The following DDAH1 variants were observed in gnomAD, a reference collection of about 807,000 sequenced individuals.
DDAH1 encodes the protein N(G),N(G)-dimethylarginine dimethylaminohydrolase 1.
Under a neutral mutation model 28.8 loss-of-function variants are expected in DDAH1, and 19 were observed. That is an observed-to-expected ratio of 0.66 (90% CI 0.46 to 0.97). DDAH1 has a LOEUF of 0.97. Ranked by LOEUF, DDAH1 falls within the 50% of genes least tolerant of loss-of-function variation. The pLI is 0.00. For missense variants in DDAH1, 326 were observed against 375.9 expected (o/e 0.87, Z 1.10); for synonymous variants, 153 against 154.4 (o/e 0.99, Z 0.07).
At chr1:85,376,651 T>C (rs778350479) in intron 1 of DDAH1, 40 of 151,746 alleles carry the variant, frequency 2.6e-4, no homozygotes, top group Middle Eastern at 3.4e-3. Flanking sequence ...AAAATCAAGC[T>C]GGAGAAAAGT....
chr1:85,411,889 C>CA (rs1261927993), intron 1 of DDAH1, among the ~76,000 whole-genome samples: 1 of 152,120 alleles, frequency 6.6e-6, no homozygotes, highest in East Asian at 1.9e-4. Flanking sequence ...CTGTGGAGGT[C>CA]AATCAATAGC....
At chr1:85,479,237 G>A (rs1402596369) in intron 2 of DDAH1, among the ~76,000 whole-genome samples, 1 of 139,442 alleles carries the variant, frequency 7.2e-6, no homozygotes. Context: ...GCAGTGGCGC[G>A]ATCTCGGCTC....
At chr1:85,333,377 C>A (rs1647900217) in intron 4 of DDAH1, among the ~76,000 whole-genome samples, 1 of 152,158 alleles carries the variant, frequency 6.6e-6, no homozygotes, top group Non-Finnish European at 1.5e-5. Flanking sequence ...GTGACTGTTA[C>A]ACCAGATGCA....
At chr1:85,501,258 T>C (rs771258484) in intron 1 of DDAH1, among the ~76,000 whole-genome samples, 10 of 152,204 alleles carry the variant, frequency 6.6e-5, no homozygotes, top group Non-Finnish European at 1.0e-4. Flanking sequence ...TGGATGAACT[T>C]AGTATAGCCT....
intron 5 of DDAH1, among the ~76,000 whole-genome samples, chr1:85,321,954 T>C (rs1309578723): frequency 2.6e-5 from 4 of 152,176 alleles, no homozygotes; most frequent in Admixed American, 6.5e-5. Flanking sequence ...TGCTCTGTCG[T>C]CCAGGTTGGT....
intron 1 of DDAH1, among the ~76,000 whole-genome samples, chr1:85,544,239 C>T (rs1232074042): frequency 6.6e-6 from 1 of 152,134 alleles, no homozygotes; most frequent in Non-Finnish European, 1.5e-5. Context: ...CTGGGGCAAG[C>T]ATCCAGATCT....
chr1:85,389,234 AAAAC>A (rs148493870), intron 1 of DDAH1, among the ~76,000 whole-genome samples: 5,852 of 152,218 alleles, frequency 0.038, 384 homozygotes, highest in African/African-American at 0.13. Context: ...ATCCTGTCTC[AAAAC>A]AAACAAACAA....
chr1:85,416,950 G>A (rs1355683742), intron 1 of DDAH1, among the ~76,000 whole-genome samples: 2 of 152,148 alleles, frequency 1.3e-5, no homozygotes, highest in Admixed American at 6.5e-5. Flanking sequence ...TTACAAGCAT[G>A]AGCCACTACT....
At chr1:85,365,133 G>T (rs1472120566) in intron 1 of DDAH1, among the ~76,000 whole-genome samples, 1 of 152,162 alleles carries the variant, frequency 6.6e-6, no homozygotes, top group African/African-American at 2.4e-5. Flanking sequence ...TTGTTTTACA[G>T]ATGAGAAAAC....
intron 1 of DDAH1, among the ~76,000 whole-genome samples, chr1:85,386,681 T>A (rs1198999792): frequency 6.6e-6 from 1 of 152,150 alleles, no homozygotes; most frequent in East Asian, 1.9e-4. Flanking sequence ...ACAGCTTCAT[T>A]AAGCAATACC....
At chr1:85,450,363 A>ATAAGTGGTAGGTCTGGGTCTT (rs1252252606) in intron 1 of DDAH1, among the ~76,000 whole-genome samples, 49 of 152,306 alleles carry the variant, frequency 3.2e-4, no homozygotes, top group African/African-American at 1.1e-3. Context: ...CACCTTGCTA[A>ATAAGTGGTAGGTCTGGGTCTT]TAAGTGGTAG....
intron 1 of DDAH1, among the ~76,000 whole-genome samples, chr1:85,359,301 C>T (rs1649662248): frequency 6.6e-6 from 1 of 151,908 alleles, no homozygotes; most frequent in Non-Finnish European, 1.5e-5. Context: ...GGAGGCTAAC[C>T]AGTTAGGGCA....
rs917211277 is a variant in DDAH1, at chr1:85,438,697, C to T, written c.303+26046G>A. ...AATTAAATGCTGCCATTGCTTTAAC[C>T]CACTACGTTTTGGAATAATTTGTTG... On this transcript the variant is annotated intron_variant, in intron 1 of 5. Coordinates refer to ENST00000284031, the MANE Select transcript of DDAH1 (RefSeq NM_012137.4). Among the ~76,000 whole-genome samples the T allele has an allele frequency of 2.8e-4, 43 of 152,178 alleles. 1 individual carries two copies. The highest frequency in any genetic ancestry group is 1.0e-3 in the African/African-American group (43 of 41,430).
At chr1:85,402,622 A>G (rs1001472231) in intron 1 of DDAH1, among the ~76,000 whole-genome samples, 1 of 152,096 alleles carries the variant, frequency 6.6e-6, no homozygotes, top group Admixed American at 6.5e-5. Context: ...ATTAATAAAA[A>G]TCTTCTGGCC....
intron 1 of DDAH1, among the ~76,000 whole-genome samples, chr1:85,541,698 C>T (rs1658475338): frequency 6.6e-6 from 1 of 152,132 alleles, no homozygotes; most frequent in Non-Finnish European, 1.5e-5. Context: ...AAACCTAATT[C>T]CCAATGTGAT....
At chr1:85,389,470 G>A (rs1024670691) in intron 1 of DDAH1, among the ~76,000 whole-genome samples, 2 of 152,126 alleles carry the variant, frequency 1.3e-5, no homozygotes, top group African/African-American at 4.8e-5. Flanking sequence ...GCACTGCTGA[G>A]TTATCCATTC....
chr1:85,518,890 G>A (rs1402052168), intron 1 of DDAH1, among the ~76,000 whole-genome samples: 1 of 152,018 alleles, frequency 6.6e-6, no homozygotes, highest in African/African-American at 2.4e-5. Flanking sequence ...ATGAGACAAA[G>A]TTCTTAGCAC....
intron 1 of DDAH1, among the ~76,000 whole-genome samples, chr1:85,437,556 TTC>T (rs1253456727): frequency 2.0e-5 from 3 of 152,208 alleles, no homozygotes; most frequent in African/African-American, 7.2e-5. Context: ...AACATTTTCT[TTC>T]TCTAACTTAC....
At chr1:85,564,171 AAAAACAAAACAAAAC>A (rs141857011) in intron 1 of DDAH1, among the ~76,000 whole-genome samples, 1 of 150,850 alleles carries the variant, frequency 6.6e-6, no homozygotes, top group African/African-American at 2.4e-5. Context: ...ACTCCATCTC[AAAAACAAAACAAAAC>A]AAAACAAAAC....
Sources: gnomAD v4.1 joint callset for allele counts (sites outside exome capture counted in the v4.1 genomes callset) on GRCh38, gnomAD v4.1.1 for gene constraint, MANE v1.5 for transcripts, NCBI Gene and HGNC (gene_info 2026-07-23, HGNC 2026-07-21) for gene names.